The following EFCAB11 variants were observed in gnomAD, a reference collection of about 807,000 sequenced individuals.
EFCAB11 encodes EF-hand calcium-binding domain-containing protein 11.
EFCAB11 carries 14 observed loss-of-function variants against 23.0 expected under a neutral mutation model. The ratio of observed to expected loss-of-function variants is 0.61; its 90% CI spans 0.40 to 0.95. The LOEUF (loss-of-function observed/expected upper bound fraction) is 0.95, where lower values mean the gene tolerates loss of function less well. Ranked by LOEUF, EFCAB11 falls within the 40% of genes least tolerant of loss-of-function variation. The pLI is 0.00. For synonymous variants in EFCAB11, 65 were observed against 66.6 expected (o/e 0.98, Z 0.11); for missense variants, 198 against 195.8 (o/e 1.01, Z -0.07).
chr14:89,874,706 G>T (rs901928644), intron 5 of EFCAB11, among the ~76,000 whole-genome samples: 1 of 152,072 alleles, frequency 6.6e-6, no homozygotes, highest in Non-Finnish European at 1.5e-5. Flanking sequence ...GACTATCCTG[G>T]CTAACATGGT....
chr14:89,843,546 T>C (rs1403463975), intron 5 of EFCAB11, among the ~76,000 whole-genome samples: 1 of 152,228 alleles, frequency 6.6e-6, no homozygotes, highest in East Asian at 1.9e-4. Context: ...ATTTTCATAG[T>C]CTTTTCAGAT....
chr14:89,882,618 G>A (rs1320135413), intron 5 of EFCAB11, among the ~76,000 whole-genome samples: 1 of 152,072 alleles, frequency 6.6e-6, no homozygotes, highest in African/African-American at 2.4e-5. Context: ...AAGCAATGAT[G>A]GGAAATACCG....
chr14:89,828,579 CAT>C (rs1886780362), intron 5 of EFCAB11, among the ~76,000 whole-genome samples: 1 of 152,138 alleles, frequency 6.6e-6, no homozygotes, highest in African/African-American at 2.4e-5. Context: ...ATGCTAAAAA[CAT>C]AGTGTTCGGT....
At chr14:89,817,528 A>T (rs921136640) in intron 5 of EFCAB11, among the ~76,000 whole-genome samples, 1 of 152,198 alleles carries the variant, frequency 6.6e-6, no homozygotes, top group African/African-American at 2.4e-5. Flanking sequence ...TCTTAAAAAA[A>T]AATTATAAAT....
At chr14:89,845,730 A>G (rs1382901288) in intron 5 of EFCAB11, among the ~76,000 whole-genome samples, 1 of 152,168 alleles carries the variant, frequency 6.6e-6, no homozygotes, top group African/African-American at 2.4e-5. Context: ...GGGTGATGGA[A>G]TGCCCAAAGG....
At chr14:89,933,079 T>A (rs1890453177) in intron 3 of EFCAB11, among the ~76,000 whole-genome samples, 2 of 152,132 alleles carry the variant, frequency 1.3e-5, no homozygotes, top group African/African-American at 4.8e-5. Flanking sequence ...AGAGAAGTAG[T>A]TTCTTAAAAG....
intron 5 of EFCAB11, among the ~76,000 whole-genome samples, chr14:89,843,186 T>C (rs1231595311): frequency 6.6e-6 from 1 of 152,156 alleles, no homozygotes; most frequent in East Asian, 1.9e-4. Context: ...GATTCCCTTA[T>C]ACTCTTAAAA....
intron 5 of EFCAB11, among the ~76,000 whole-genome samples, chr14:89,912,703 T>C (rs1186009940): frequency 6.6e-6 from 1 of 152,212 alleles, no homozygotes; most frequent in Non-Finnish European, 1.5e-5. Context: ...GATAAAAACT[T>C]GTGTGCATGA....
intron 5 of EFCAB11, among the ~76,000 whole-genome samples, chr14:89,914,638 A>C (rs1293410949): frequency 6.6e-6 from 1 of 151,736 alleles, no homozygotes; most frequent in Admixed American, 6.6e-5. Context: ...TACAAAAATT[A>C]CCCGGGCATG....
intron 5 of EFCAB11, among the ~76,000 whole-genome samples, chr14:89,860,313 G>A (rs547922786): frequency 2.0e-5 from 3 of 152,180 alleles, no homozygotes; most frequent in East Asian, 1.9e-4. Context: ...GCAGTGAGCC[G>A]AGATCGCACC....
At chr14:89,807,746 G>T (rs1282038341) in intron 5 of EFCAB11, among the ~76,000 whole-genome samples, 2 of 151,926 alleles carry the variant, frequency 1.3e-5, no homozygotes, top group Non-Finnish European at 2.9e-5. Flanking sequence ...CATGATAGAA[G>T]GACTGTAGAG....
rs576116664 is a variant in EFCAB11 at position 89,883,883 on chromosome 14, T to C, written c.410+47658A>G. 2.0e-5 allele frequency among the ~76,000 whole-genome samples: 3 copies of C among 152,310 alleles called. No individual in the cohort carries two copies. The East Asian group carries it at 5.8e-4, about 29-fold the overall frequency. Reference sequence around the variant, plus strand: ...TGGCTTACATCTGTAATCCAGCTACTCAAGAGATGGAGGTGGGAGACTGCT... The same window carrying C: ...TGGCTTACATCTGTAATCCAGCTACCCAAGAGATGGAGGTGGGAGACTGCT... On this transcript the variant is annotated intron_variant, in intron 5 of 5. Transcript: ENST00000316738.
At chr14:89,920,615 G>C (rs766734188) in intron 5 of EFCAB11, among the ~76,000 whole-genome samples, 6 of 152,210 alleles carry the variant, frequency 3.9e-5, no homozygotes, top group Non-Finnish European at 5.9e-5. Context: ...TTCCTGTGAG[G>C]ATCCGTTCAG....
rs1243582833 is a variant in EFCAB11 at position 89,823,924 on chromosome 14, A to G, written c.411-26600T>C. ...AAAAAGAAACGAACAGAGGAATGAA[A>G]AGAGCATCAGTGACTTGTGGGGCAA... On this transcript the variant is annotated intron_variant, in intron 5 of 5. Coordinates refer to ENST00000316738, the MANE Select transcript of EFCAB11 (RefSeq NM_145231.4). 3.3e-5 allele frequency among the ~76,000 whole-genome samples: 5 copies of G among 152,182 alleles called. No homozygotes were observed. The East Asian group carries it at 9.6e-4, about 29-fold the overall frequency.
chr14:89,851,905 C>T (rs945299507), intron 5 of EFCAB11, among the ~76,000 whole-genome samples: 12 of 151,984 alleles, frequency 7.9e-5, no homozygotes, highest in South Asian at 4.1e-4. Flanking sequence ...TCATAGGGCA[C>T]GAAAGGAAGA....
intron 5 of EFCAB11, among the ~76,000 whole-genome samples, chr14:89,850,945 C>G (rs1887584245): frequency 6.6e-6 from 1 of 152,132 alleles, no homozygotes; most frequent in Non-Finnish European, 1.5e-5. Flanking sequence ...AGTATCTTGC[C>G]TAGGACCACA....
chr14:89,858,229 C>T (rs1887815352), intron 5 of EFCAB11, among the ~76,000 whole-genome samples: 1 of 152,188 alleles, frequency 6.6e-6, no homozygotes, highest in South Asian at 2.1e-4. Context: ...GAAACTGAGG[C>T]CTCCTGCAGA....
At chr14:89,924,742 A>AT in intron 5 of EFCAB11, 1 of 1,519,294 alleles carries the variant, frequency 6.6e-7, no homozygotes, top group African/African-American at 1.4e-5. Flanking sequence ...GACAGAGGAA[A>AT]ATGGAAAGCA....
chr14:89,879,888 G>T (rs1258293033), intron 5 of EFCAB11, among the ~76,000 whole-genome samples: 2 of 152,108 alleles, frequency 1.3e-5, no homozygotes, highest in East Asian at 3.8e-4. Context: ...ACAACACAGG[G>T]ATGTTACAGA....
Sources: allele counts gnomAD v4.1 joint callset (sites outside exome capture counted in the v4.1 genomes callset), GRCh38; gene constraint gnomAD v4.1.1; transcripts MANE v1.5; gene names NCBI Gene and HGNC (gene_info 2026-07-23, HGNC 2026-07-21).